Variants in NELL1 observed in about 807,000 individuals in gnomAD.
The protein encoded by NELL1 is neural EGFL like 1.
In NELL1, 76 loss-of-function variants were observed where a neutral mutation model predicts 107.4. The observed-to-expected ratio is 0.71, with a 90% CI of 0.59 to 0.86. The LOEUF (loss-of-function observed/expected upper bound fraction) is 0.86. Ranked by LOEUF, NELL1 falls within the 40% of genes least tolerant of loss-of-function variation. The probability of loss-of-function intolerance (pLI) is 0.00; values close to 1 mark genes in which losing one functional copy is unlikely to be tolerated. For synonymous variants in NELL1, 353 were observed against 341.2 expected (o/e 1.03, Z -0.38); for missense variants, 1,024 against 1,005.5 (o/e 1.02, Z -0.25).
chr11:21,408,363 T>C (rs1483310534), intron 15 of NELL1, among the ~76,000 whole-genome samples: 1 of 152,032 alleles, frequency 6.6e-6, no homozygotes, highest in Non-Finnish European at 1.5e-5. Context: ...TTTGCTGAGA[T>C]CTTCCTGTCT....
intron 13 of NELL1, among the ~76,000 whole-genome samples, chr11:21,166,906 GA>G (rs1384461894): frequency 6.6e-6 from 1 of 151,848 alleles, no homozygotes; most frequent in Non-Finnish European, 1.5e-5. Flanking sequence ...ATGCCAATGA[GA>G]TAACTTCTTC....
At chr11:21,561,807 A>AG (rs1185963109) in intron 17 of NELL1, among the ~76,000 whole-genome samples, 1 of 152,004 alleles carries the variant, frequency 6.6e-6, no homozygotes, top group African/African-American at 2.4e-5. Context: ...CATTCCTTCA[A>AG]GGGGTTTTGA....
At chr11:20,754,552 A>G (rs1462477341) in intron 2 of NELL1, among the ~76,000 whole-genome samples, 1 of 152,160 alleles carries the variant, frequency 6.6e-6, no homozygotes, top group Non-Finnish European at 1.5e-5. Context: ...TGTAGAAAAA[A>G]TTATTTAGGA....
chr11:20,800,977 G>A (rs781705925), intron 3 of NELL1, among the ~76,000 whole-genome samples: 1 of 152,116 alleles, frequency 6.6e-6, no homozygotes, highest in Non-Finnish European at 1.5e-5. Flanking sequence ...CCATGAGTTA[G>A]TTTCCAACAT....
chr11:21,304,579 T>TC (rs72082108), intron 14 of NELL1, among the ~76,000 whole-genome samples: 1 of 106,592 alleles, frequency 9.4e-6, no homozygotes, highest in Non-Finnish European at 1.8e-5. Context: ...TTTTTTTTTT[T>TC]CTCTCTCTCT....
chr11:21,476,705 A>G (rs1421295925), intron 15 of NELL1, among the ~76,000 whole-genome samples: 1 of 152,100 alleles, frequency 6.6e-6, no homozygotes, highest in Non-Finnish European at 1.5e-5. Flanking sequence ...AGAGTGTAGG[A>G]AAGACAGTCT....
rs75305178 is a variant in NELL1, at chr11:21,545,076, C to T, written c.1786+10562C>T. Among the ~76,000 whole-genome samples the T allele has an allele frequency of 4.6e-5, 7 of 151,988 alleles. No individual in the cohort carries two copies. In the East Asian group the frequency reaches 1.2e-3, roughly 25 times the overall value. On this transcript the variant is annotated intron_variant, in intron 16 of 19. Coordinates refer to ENST00000357134, the MANE Select transcript of NELL1 (RefSeq NM_006157.5). ...AAAACAACTGTTGATTATTGAGTGA[C>T]GTTCTAGTGGTTTATTGAGGTATAG...
At chr11:21,464,815 T>A (rs1313548359) in intron 15 of NELL1, among the ~76,000 whole-genome samples, 1 of 152,132 alleles carries the variant, frequency 6.6e-6, no homozygotes, top group African/African-American at 2.4e-5. Flanking sequence ...GAGATCACAT[T>A]AGTATCAGGA....
chr11:21,099,192 A>AAC (rs59848133), intron 12 of NELL1, among the ~76,000 whole-genome samples: 3,319 of 141,880 alleles, frequency 0.023, 40 homozygotes, highest in East Asian at 0.061. Flanking sequence ...GACACTGAAC[A>AAC]ACACACACAC....
At chr11:20,800,513 C>G (rs1340454309) in intron 3 of NELL1, among the ~76,000 whole-genome samples, 1 of 152,052 alleles carries the variant, frequency 6.6e-6, no homozygotes, top group African/African-American at 2.4e-5. Context: ...ATTGTCTATT[C>G]CTGTCTTTTG....
chr11:20,831,828 A>G (rs931066731), intron 3 of NELL1, among the ~76,000 whole-genome samples: 3 of 152,238 alleles, frequency 2.0e-5, no homozygotes, highest in Admixed American at 6.5e-5. Flanking sequence ...AAGAATTCAC[A>G]TGTGATAGGA....
intron 4 of NELL1, among the ~76,000 whole-genome samples, chr11:20,881,958 A>T (rs556688093): frequency 1.3e-5 from 2 of 152,324 alleles, no homozygotes; most frequent in South Asian, 4.1e-4. Flanking sequence ...TATATCAGAA[A>T]GCTCAGTTTC....
At chr11:20,863,974 G>A (rs959847494) in intron 4 of NELL1, among the ~76,000 whole-genome samples, 7 of 151,376 alleles carry the variant, frequency 4.6e-5, no homozygotes, top group African/African-American at 9.8e-5. Flanking sequence ...CAGGCGTGGC[G>A]GCGCGCGCCT....
chr11:20,887,382 A>G (rs778805896), intron 5 of NELL1, among the ~76,000 whole-genome samples: 2 of 152,168 alleles, frequency 1.3e-5, no homozygotes, highest in Non-Finnish European at 2.9e-5. Flanking sequence ...ACTGGGTTGT[A>G]TATTAAGTGT....
intron 3 of NELL1, among the ~76,000 whole-genome samples, chr11:20,813,796 C>T (rs1008292273): frequency 1.3e-5 from 2 of 152,098 alleles, no homozygotes; most frequent in Middle Eastern, 3.2e-3. Flanking sequence ...TATCAGCTTT[C>T]AGGGTGAATT....
At chr11:21,019,725 CA>C (rs1465431071) in intron 12 of NELL1, among the ~76,000 whole-genome samples, 5 of 151,990 alleles carry the variant, frequency 3.3e-5, no homozygotes, top group Non-Finnish European at 5.9e-5. Context: ...GGTTGAGACA[CA>C]ATGATGTATC....
In NELL1 at chr11:21,314,778, G is replaced by A. The variant is rs533689836; in HGVS notation, c.1550-56075G>A. Among the ~76,000 whole-genome samples the A allele has an allele frequency of 8.5e-5, 13 of 152,240 alleles. No homozygotes were observed. The East Asian group carries it at 2.5e-3, about 29-fold the overall frequency. ...GAAGCCATTGAAGTGGTTAAGGTGAGCTGACATTTTAGATTTACCTTTGGA... is the reference window on the plus strand; with the variant it reads ...GAAGCCATTGAAGTGGTTAAGGTGAACTGACATTTTAGATTTACCTTTGGA... On this transcript the variant is annotated intron_variant, in intron 14 of 19. Transcript: ENST00000357134.
At chr11:20,686,118 T>C (rs1854299319) in intron 2 of NELL1, among the ~76,000 whole-genome samples, 1 of 152,172 alleles carries the variant, frequency 6.6e-6, no homozygotes, top group South Asian at 2.1e-4. Flanking sequence ...CCTTCATTTA[T>C]TTTTATTTCT....
chr11:21,178,681 C>T (rs1856760804), intron 13 of NELL1, among the ~76,000 whole-genome samples: 1 of 151,114 alleles, frequency 6.6e-6, no homozygotes, highest in Non-Finnish European at 1.5e-5. Flanking sequence ...AGAGGATGGC[C>T]TGAGCCCAAG....
Sources: gnomAD v4.1 joint callset for allele counts (sites outside exome capture counted in the v4.1 genomes callset) on GRCh38, gnomAD v4.1.1 for gene constraint, MANE v1.5 for transcripts, NCBI Gene and HGNC (gene_info 2026-07-23, HGNC 2026-07-21) for gene names.